Variants in RGS6 observed in about 807,000 individuals in gnomAD.
RGS6 encodes regulator of G protein signaling 6.
In RGS6, 30 loss-of-function variants were observed where a neutral mutation model predicts 78.5. That is an observed-to-expected ratio of 0.38 (90% CI 0.29 to 0.52). The LOEUF (loss-of-function observed/expected upper bound fraction) is 0.52, where lower values mean the gene tolerates loss of function less well. Among genes scored for constraint, RGS6 ranks in the 20% least tolerant of loss-of-function variants. The pLI is 0.85. For missense variants in RGS6, 495 were observed against 609.7 expected, an observed-to-expected ratio of 0.81 and a Z score of 1.98; for synonymous variants, 206 against 206.0, an observed-to-expected ratio of 1.00 and a Z score of 0.00.
At chr14:72,536,073 C>T in intron 15 of RGS6, 113 bp from the exon 16 acceptor site, 1 of 794,494 alleles carries the variant, frequency 1.3e-6, no homozygotes. Context: ...TACATGCAAA[C>T]ATACCTAGGT....
chr14:72,102,802 A>G (rs1316286257), intron 2 of RGS6, among the ~76,000 whole-genome samples: 2 of 152,210 alleles, frequency 1.3e-5, no homozygotes, highest in Non-Finnish European at 2.9e-5. Flanking sequence ...ATATTGGCTA[A>G]AGTTTGGCAA....
At chr14:72,576,958 T>TG in the RGS6 span, among the ~76,000 whole-genome samples, 1 of 152,242 alleles carries the variant, frequency 6.6e-6, no homozygotes, top group African/African-American at 2.4e-5. Context: ...CATTTGCCTC[T>TG]GCTCAGAGAA....
At chr14:72,112,099 A>G (rs1048867000) in intron 2 of RGS6, among the ~76,000 whole-genome samples, 10 of 152,100 alleles carry the variant, frequency 6.6e-5, no homozygotes, top group African/African-American at 2.4e-4. Flanking sequence ...GTTTATTCTG[A>G]TGGTCCCTGT....
the RGS6 span, among the ~76,000 whole-genome samples, chr14:72,601,547 A>C: frequency 6.6e-6 from 1 of 152,230 alleles, no homozygotes; most frequent in Non-Finnish European, 1.5e-5. Context: ...TATAGTTAAC[A>C]ATAACGTATT....
the RGS6 span, among the ~76,000 whole-genome samples, chr14:71,874,797 A>T: frequency 6.6e-6 from 1 of 152,086 alleles, no homozygotes; most frequent in Non-Finnish European, 1.5e-5. Flanking sequence ...AATAGCTCTT[A>T]TTATTTTGAG....
At chr14:72,400,199 C>T (rs564755270) in intron 3 of RGS6, among the ~76,000 whole-genome samples, 1 of 152,200 alleles carries the variant, frequency 6.6e-6, no homozygotes, top group African/African-American at 2.4e-5. Flanking sequence ...TTGGCAGAAA[C>T]TCTCTAAGCC....
In RGS6 at chr14:72,259,673, T is replaced by C. The variant is rs1022310640; in HGVS notation, c.85-92422T>C. Among the ~76,000 whole-genome samples the C allele has an allele frequency of 3.9e-5, 6 of 151,976 alleles. 1 individual carries two copies. In the East Asian group the frequency reaches 9.6e-4, roughly 24 times the overall value. On this transcript the variant is annotated intron_variant, in intron 2 of 17. Transcript: ENST00000553525. ...CTGTAATCCCAGCACTTTGGGAGGC[T>C]GAGGCGGGTGGATCACGAGGTCAGG...
chr14:72,566,672 CA>C (rs2097712820), downstream of RGS6: 1 of 142,490 alleles, frequency 7.0e-6, no homozygotes, highest in Non-Finnish European at 1.5e-5. Context: ...CACACACACA[CA>C]CACACACACC....
At chr14:72,428,193 T>TG (rs2094500606) in intron 3 of RGS6, among the ~76,000 whole-genome samples, 1 of 152,062 alleles carries the variant, frequency 6.6e-6, no homozygotes, top group Non-Finnish European at 1.5e-5. Flanking sequence ...AATATAGAGA[T>TG]GAGACAGAGA....
chr14:72,261,509 A>G (rs1463361646), intron 2 of RGS6, among the ~76,000 whole-genome samples: 1 of 152,182 alleles, frequency 6.6e-6, no homozygotes, highest in Non-Finnish European at 1.5e-5. Context: ...AGTGAAAGTG[A>G]TGGAAAAATG....
chr14:72,032,247 A>G (rs566365945), intron 2 of RGS6, among the ~76,000 whole-genome samples: 3 of 152,178 alleles, frequency 2.0e-5, no homozygotes, highest in Non-Finnish European at 4.4e-5. Flanking sequence ...CTTTTTCTAT[A>G]TGTTTCCAAA....
At chr14:72,117,189 A>G (rs2095914718) in intron 2 of RGS6, among the ~76,000 whole-genome samples, 1 of 152,020 alleles carries the variant, frequency 6.6e-6, no homozygotes, top group Admixed American at 6.6e-5. Flanking sequence ...AGGCTGGGAG[A>G]CTTGCAGCAT....
chr14:72,495,865 A>C (rs941370398), intron 13 of RGS6, among the ~76,000 whole-genome samples: 2 of 152,122 alleles, frequency 1.3e-5, no homozygotes, highest in South Asian at 2.1e-4. Context: ...GAGGGAAGCC[A>C]CTGTGTTTAC....
At chr14:71,887,994 C>T in the RGS6 span, among the ~76,000 whole-genome samples, 24,144 of 152,138 alleles carry the variant, frequency 0.16, 2,907 homozygotes, top group African/African-American at 0.33. Context: ...GCGGGCATCA[C>T]GGTCCTACCG....
intron 3 of RGS6, among the ~76,000 whole-genome samples, chr14:72,410,076 C>T (rs751117476): frequency 3.5e-4 from 54 of 152,298 alleles, no homozygotes; most frequent in Non-Finnish European, 1.2e-4. Context: ...TGAGTATATA[C>T]CCAGTAATGG....
intron 3 of RGS6, among the ~76,000 whole-genome samples, chr14:72,416,483 G>A (rs1336169228): frequency 6.6e-6 from 1 of 152,148 alleles, no homozygotes; most frequent in Non-Finnish European, 1.5e-5. Flanking sequence ...TTCTCAAAGT[G>A]TTCTCAGTTA....
the RGS6 span, among the ~76,000 whole-genome samples, chr14:71,906,306 G>T: frequency 2.9e-4 from 44 of 152,278 alleles, no homozygotes; most frequent in African/African-American, 1.0e-3. Context: ...AGGTGGGCAG[G>T]GTGCTGTCTG....
At chr14:71,951,709 T>A (rs953978163) in intron 1 of RGS6, among the ~76,000 whole-genome samples, 2 of 152,210 alleles carry the variant, frequency 1.3e-5, no homozygotes, top group African/African-American at 4.8e-5. Flanking sequence ...GTTTTTACAG[T>A]GTTGGCTATT....
intron 13 of RGS6, 37 bp downstream of exon 13, chr14:72,495,299 G>A: frequency 1.6e-6 from 2 of 1,275,656 alleles, no homozygotes; most frequent in Non-Finnish European, 2.3e-6. Flanking sequence ...TGGGATGAAT[G>A]TAGACAAAAA....
Sources: gnomAD v4.1 joint callset for allele counts (sites outside exome capture counted in the v4.1 genomes callset) on GRCh38, gnomAD v4.1.1 for gene constraint, MANE v1.5 for transcripts, NCBI Gene and HGNC (gene_info 2026-07-23, HGNC 2026-07-21) for gene names.